The following OSBPL10 variants were observed in gnomAD, a reference collection of about 807,000 sequenced individuals.
OSBPL10 encodes oxysterol binding protein like 10, also known as oxysterol-binding protein-related protein 10.
A neutral mutation model predicts 81.7 loss-of-function variants in OSBPL10; 49 were observed. That is an observed-to-expected ratio of 0.60 (90% confidence interval 0.48 to 0.76). The LOEUF is 0.76. Among genes scored for constraint, OSBPL10 ranks in the 30% least tolerant of loss-of-function variants. OSBPL10 has a pLI of 0.00. For synonymous variants in OSBPL10, 419 were observed against 383.6 expected (o/e 1.09, Z -1.08); for missense variants, 923 against 987.8 (o/e 0.93, Z 0.88).
chr3:31,807,593 C>T (rs1322651349), intron 4 of OSBPL10, among the ~76,000 whole-genome samples: 1 of 149,818 alleles, frequency 6.7e-6, no homozygotes, highest in Non-Finnish European at 1.5e-5. Context: ...AAAAAATTAG[C>T]GGGGCACGGT....
chr3:31,990,307 G>T (rs1187629053), intron 2 of OSBPL10: 1 of 1,614,062 alleles, frequency 6.2e-7, no homozygotes, highest in Non-Finnish European at 8.5e-7. Flanking sequence ...CTTCAGTAAT[G>T]CTACAACCAT....
intron 1 of OSBPL10, among the ~76,000 whole-genome samples, chr3:31,961,907 G>GTTT (rs34399596): frequency 7.7e-6 from 1 of 130,050 alleles, no homozygotes; most frequent in African/African-American, 3.0e-5. Flanking sequence ...TTTTGTTTTG[G>GTTT]TTTTTTTTTT....
intron 4 of OSBPL10, among the ~76,000 whole-genome samples, chr3:31,809,150 A>G (rs1397836232): frequency 1.3e-5 from 2 of 152,248 alleles, no homozygotes; most frequent in Non-Finnish European, 2.9e-5. Context: ...AAGAGGAGGC[A>G]AAATGATCAA....
rs1699120009 is a variant in OSBPL10, at chr3:31,999,169, G to A, written n.298+47322C>T. ...GAGGGCATCACTGTAACTCCAGACTGCACAAGAGCTGCAGTGGCAATCAGG... is the reference window on the plus strand; with the variant it reads ...GAGGGCATCACTGTAACTCCAGACTACACAAGAGCTGCAGTGGCAATCAGG... On this transcript the variant is annotated intron_variant and non_coding_transcript_variant, in intron 2 of 3. Transcript: ENST00000479173. 2.0e-5 allele frequency among the ~76,000 whole-genome samples: 3 copies of A among 152,150 alleles called. No individual in the cohort carries two copies. In the East Asian group the frequency reaches 5.8e-4, roughly 29 times the overall value.
At chr3:31,874,625 A>G (rs1263568488) in intron 3 of OSBPL10, among the ~76,000 whole-genome samples, 1 of 152,202 alleles carries the variant, frequency 6.6e-6, no homozygotes, top group Non-Finnish European at 1.5e-5. Context: ...ACTTGGCCCC[A>G]GTCATGATTT....
At position 31,740,075 on chromosome 3, in the gene OSBPL10, G is replaced by C. The variant is rs570076808; in HGVS notation, c.941-6664C>G. 7.5e-5 allele frequency among the ~76,000 whole-genome samples: 10 copies of C among 133,568 alleles called. No homozygotes were observed. The East Asian group carries it at 2.1e-3, about 29-fold the overall frequency. 87.6% of individuals were successfully genotyped at this position (133,568 alleles called of 152,430 possible). A position where few individuals can be genotyped will look rare whatever the true frequency, so the allele number is the denominator to read the frequency against. ...TTTTTTTTTTTTTTGAGTCAGTCTT[G>C]CTTTGTTGCACAGGCTGGAGTGCAG... On this transcript the variant is annotated intron_variant, in intron 5 of 11. Transcript: ENST00000396556.
At chr3:31,723,719 C>G (rs1015315445) in intron 6 of OSBPL10, among the ~76,000 whole-genome samples, 1 of 152,194 alleles carries the variant, frequency 6.6e-6, no homozygotes. Flanking sequence ...GATACAAGAA[C>G]TCATCGATTA....
At chr3:31,739,767 T>C (rs950268513) in intron 5 of OSBPL10, among the ~76,000 whole-genome samples, 1 of 152,238 alleles carries the variant, frequency 6.6e-6, no homozygotes, top group African/African-American at 2.4e-5. Flanking sequence ...TTTTGTTCTT[T>C]AAGCCACCCA....
intron 4 of OSBPL10, among the ~76,000 whole-genome samples, chr3:31,793,864 AG>A (rs993156588): frequency 6.6e-6 from 1 of 152,238 alleles, no homozygotes; most frequent in Non-Finnish European, 1.5e-5. Context: ...AAATATTTGA[AG>A]AAAAACAGTA....
At chr3:32,050,246 C>G in intron 1 of OSBPL10, among the ~76,000 whole-genome samples, 1 of 152,310 alleles carries the variant, frequency 6.6e-6, no homozygotes, top group African/African-American at 2.4e-5. Flanking sequence ...ATTGACTGCT[C>G]TAGGCTCCTT....
intron 8 of OSBPL10, among the ~76,000 whole-genome samples, chr3:31,672,356 G>T (rs937711744): frequency 1.1e-5 from 1 of 93,764 alleles, no homozygotes; most frequent in African/African-American, 5.0e-5. Flanking sequence ...TAGAATTTGC[G>T]GGGGCGGGGG....
rs371577529 is a variant in OSBPL10 at position 31,979,983 on chromosome 3, ATTATT to A, written c.281+911_281+915del. 9.0e-3 allele frequency among the ~76,000 whole-genome samples: 1,360 copies of A among 150,932 alleles called. 11 individuals are homozygous for A. Among genetic ancestry groups the A allele is most frequent in the Middle Eastern group, 0.049 (14 of 286 alleles). On this transcript the variant is annotated intron_variant, in intron 1 of 11. Transcript: ENST00000396556. ...GGGAGGGTATTTTTTCTTTCTTTTTATTATTTTATTTTATTTTATTTTATTTATTT... is the reference window on the plus strand; with the variant it reads ...GGGAGGGTATTTTTTCTTTCTTTTTATTATTTTATTTTATTTTATTTATTT...
At chr3:31,887,314 T>G (rs1695762576) in intron 1 of OSBPL10, among the ~76,000 whole-genome samples, 1 of 152,216 alleles carries the variant, frequency 6.6e-6, no homozygotes, top group Non-Finnish European at 1.5e-5. Context: ...ACACTCAGTA[T>G]GTGAAGTGGG....
At chr3:31,886,241 C>T (rs911777153) in intron 1 of OSBPL10, among the ~76,000 whole-genome samples, 2 of 152,042 alleles carry the variant, frequency 1.3e-5, no homozygotes, top group African/African-American at 4.8e-5. Context: ...GCATAAAGGG[C>T]CCAAGAAGGG....
intron 11 of OSBPL10, chr3:31,662,452 C>G (rs1221598278): frequency 1.9e-6 from 2 of 1,058,306 alleles, no homozygotes. Context: ...AGATGAATGG[C>G]CAGGGGAAAG....
Position 31,961,871 on chromosome 3 carries a change from A to C in OSBPL10, c.281+19028T>G, listed in dbSNP as rs546131043. 6.6e-5 allele frequency among the ~76,000 whole-genome samples: 10 copies of C among 151,466 alleles called. No homozygotes were observed. In the South Asian group the frequency reaches 2.1e-3, roughly 32 times the overall value. ...TAATTGCTATTAATTACATTTAAATAAGTTCTCTAATTTTGGCATCACCAG... is the reference window on the plus strand; with the variant it reads ...TAATTGCTATTAATTACATTTAAATCAGTTCTCTAATTTTGGCATCACCAG... On this transcript the variant is annotated intron_variant, in intron 1 of 11. Transcript: ENST00000396556.
rs118148960 is a variant in OSBPL10, at chr3:32,002,335, G to T, written n.298+44156C>A. Among the ~76,000 whole-genome samples the T allele has an allele frequency of 4.2e-4, 64 of 152,218 alleles. No individual in the cohort carries two copies. In the East Asian group the frequency reaches 9.2e-3, roughly 22 times the overall value. On this transcript the variant is annotated intron_variant and non_coding_transcript_variant, in intron 2 of 3. Coordinates refer to the OSBPL10 transcript ENST00000479173. ...CACATTGCAAAGAGACCACACACCA[G>T]GAGAACCATAGGGTATCTCCCCAAA... is the stretch of plus-strand genomic sequence containing the variant.
chr3:31,668,591 CAGGTGCCCAGCATGACTA>C, intron 10 of OSBPL10, 33 bp downstream of exon 10: 1 of 1,486,618 alleles, frequency 6.7e-7, no homozygotes, highest in South Asian at 1.4e-5. Context: ...TCCCTTGAGT[CAGGTGCCCAGCATGACTA>C]AGCTGGAGAG....
At chr3:31,783,823 A>AT (rs1171192207) in intron 4 of OSBPL10, among the ~76,000 whole-genome samples, 1 of 16,738 alleles carries the variant, frequency 6.0e-5, no homozygotes, top group Non-Finnish European at 1.2e-4. Context: ...AAAAAAAAAA[A>AT]ATATATATAT....
Sources: gnomAD v4.1 joint callset for allele counts (sites outside exome capture counted in the v4.1 genomes callset) on GRCh38, gnomAD v4.1.1 for gene constraint, MANE v1.5 for transcripts, NCBI Gene and HGNC (gene_info 2026-07-23, HGNC 2026-07-21) for gene names.